CADPS2: variants seen among roughly 807,000 people sequenced by gnomAD.
The protein encoded by CADPS2 is calcium-dependent secretion activator 2.
A neutral mutation model predicts 172.5 loss-of-function variants in CADPS2; 93 were observed. The observed-to-expected ratio is 0.54, with a 90% CI of 0.46 to 0.64. The LOEUF is 0.64. Ranked by LOEUF, CADPS2 falls within the 30% of genes least tolerant of loss-of-function variation. The pLI, the probability that CADPS2 is intolerant of heterozygous loss-of-function variation, is 0.00. For synonymous variants in CADPS2, 546 were observed against 555.2 expected, an observed-to-expected ratio of 0.98 and a Z score of 0.23; for missense variants, 1,420 against 1,565.9, an observed-to-expected ratio of 0.91 and a Z score of 1.57.
chr7:122,507,930 C>T (rs932910747), intron 9 of CADPS2, among the ~76,000 whole-genome samples: 1 of 152,030 alleles, frequency 6.6e-6, no homozygotes, highest in African/African-American at 2.4e-5. Context: ...TAAGTATGTT[C>T]AAATATAAGT....
At chr7:122,360,675 T>G in intron 27 of CADPS2, 113 bp downstream of exon 27, 1 of 897,672 alleles carries the variant, frequency 1.1e-6, no homozygotes, top group Non-Finnish European at 1.7e-6. Context: ...GAAAATAAAC[T>G]ACTCCCTAAG....
At chr7:122,391,452 A>G (rs141951997) in intron 22 of CADPS2, among the ~76,000 whole-genome samples, 38 of 152,256 alleles carry the variant, frequency 2.5e-4, no homozygotes, top group Non-Finnish European at 5.0e-4. Flanking sequence ...GTTCTTGGCT[A>G]AAATCAAGCG....
At chr7:122,678,395 T>C (rs1346149944) in intron 2 of CADPS2, among the ~76,000 whole-genome samples, 1 of 152,160 alleles carries the variant, frequency 6.6e-6, no homozygotes, top group African/African-American at 2.4e-5. Context: ...GCTATAACAA[T>C]AGAGAAGGAA....
chr7:122,880,166 A>T (rs1822498631), intron 1 of CADPS2, among the ~76,000 whole-genome samples: 1 of 152,156 alleles, frequency 6.6e-6, no homozygotes, highest in Non-Finnish European at 1.5e-5. Context: ...ACTGAGTGTC[A>T]GCTCCAACTT....
In CADPS2 at chr7:122,603,302, G is replaced by A. The variant is rs1230839683; in HGVS notation, c.1223+11879C>T. ...CTCAGAAGGGACTTGGGAAACAAAAGCACATTCCGCTTCATAAAATAACGT... is the reference window on the plus strand; with the variant it reads ...CTCAGAAGGGACTTGGGAAACAAAAACACATTCCGCTTCATAAAATAACGT... On this transcript the variant is annotated intron_variant, in intron 6 of 29. Coordinates refer to ENST00000449022, the MANE Select transcript of CADPS2 (RefSeq NM_017954.11). 3.4e-5 allele frequency among the ~76,000 whole-genome samples: 5 copies of A among 147,644 alleles called. No homozygotes were observed. The East Asian group carries it at 9.7e-4, about 29-fold the overall frequency.
rs1282937725 is a variant in CADPS2, at chr7:122,803,565, C to CTTGTGGCTTGGCACA, written c.340-66498_340-66497insTGTGCCAAGCCACAA. ...GCCATAAATCACAGGAAACTTTCAC[C>CTTGTGGCTTGGCACA]ACTAGATGGTGAGCTTGTGGCTTGG... On this transcript the variant is annotated intron_variant, in intron 1 of 29. Coordinates refer to ENST00000449022, the MANE Select transcript of CADPS2 (RefSeq NM_017954.11). 2.6e-5 allele frequency among the ~76,000 whole-genome samples: 4 copies of CTTGTGGCTTGGCACA among 152,246 alleles called. No individual in the cohort carries two copies. The East Asian group carries it at 7.7e-4, about 29-fold the overall frequency.
In CADPS2 at chr7:122,575,087, AT is replaced by A. The variant is rs903973843; in HGVS notation, c.1335+6091del. Among the ~76,000 whole-genome samples the A allele has an allele frequency of 5.3e-4, 80 of 151,776 alleles. 2 individuals carry two copies. The highest frequency in any genetic ancestry group is 1.9e-3 in the African/African-American group (77 of 41,364). ...AACCAGTCATGAAAAAAATAGTCTT[AT>A]TTTTTTCTTATTCTGGATTTTTCTA... On this transcript the variant is annotated intron_variant, in intron 7 of 29. Transcript: ENST00000449022.
intron 1 of CADPS2, among the ~76,000 whole-genome samples, chr7:122,826,797 T>G (rs1805021356): frequency 6.6e-6 from 1 of 151,682 alleles, no homozygotes; most frequent in African/African-American, 2.4e-5. Context: ...GCTAAAACAT[T>G]ACTGAAAGGA....
intron 7 of CADPS2, among the ~76,000 whole-genome samples, chr7:122,578,642 T>C (rs943239901): frequency 1.3e-5 from 2 of 152,088 alleles, no homozygotes; most frequent in Non-Finnish European, 1.5e-5. Flanking sequence ...TGCTACACTA[T>C]AATGAGGAGT....
At chr7:122,492,073 G>T (rs1196155958) in intron 9 of CADPS2, among the ~76,000 whole-genome samples, 2 of 152,242 alleles carry the variant, frequency 1.3e-5, no homozygotes, top group African/African-American at 4.8e-5. Flanking sequence ...TCTGGAGGCT[G>T]AGGTAGAAGA....
At chr7:122,539,277 C>T (rs1382752181) in intron 8 of CADPS2, among the ~76,000 whole-genome samples, 1 of 152,092 alleles carries the variant, frequency 6.6e-6, no homozygotes, top group African/African-American at 2.4e-5. Context: ...ATTCAGCCCC[C>T]CTCTCTCTTT....
At chr7:122,404,970 CA>C (rs1207703658) in intron 20 of CADPS2, among the ~76,000 whole-genome samples, 1 of 151,660 alleles carries the variant, frequency 6.6e-6, no homozygotes, top group African/African-American at 2.4e-5. Flanking sequence ...ACTAAAAATA[CA>C]AAAAAATTAG....
At chr7:122,367,420 C>T (rs748901890) in intron 25 of CADPS2, among the ~76,000 whole-genome samples, 7 of 151,320 alleles carry the variant, frequency 4.6e-5, no homozygotes, top group African/African-American at 9.7e-5. Context: ...TTGGATATTA[C>T]AGAAATGATC....
intron 6 of CADPS2, 137 bp from the exon 7 acceptor site, chr7:122,581,427 G>A (rs1226181946): frequency 1.6e-6 from 1 of 634,962 alleles, no homozygotes; most frequent in Non-Finnish European, 2.8e-6. Flanking sequence ...TTTGTTTCTA[G>A]CAGATGGCAC....
At chr7:122,565,324 T>C (rs2066316389) in intron 7 of CADPS2, among the ~76,000 whole-genome samples, 1 of 151,180 alleles carries the variant, frequency 6.6e-6, no homozygotes, top group Admixed American at 6.6e-5. Flanking sequence ...GGACAGGGAG[T>C]ATGAGGTTGA....
intron 1 of CADPS2, among the ~76,000 whole-genome samples, chr7:122,810,660 C>T (rs1179992470): frequency 6.6e-6 from 1 of 152,066 alleles, no homozygotes; most frequent in African/African-American, 2.4e-5. Flanking sequence ...TTAGATAGGT[C>T]TGGGGCTCAG....
intron 8 of CADPS2, among the ~76,000 whole-genome samples, chr7:122,521,818 T>A (rs1202138019): frequency 0.013 from 1,908 of 152,250 alleles, 37 homozygotes; most frequent in African/African-American, 0.043. Context: ...GTATCACATT[T>A]TATAGAATTG....
chr7:122,603,416 A>G (rs576862644), intron 6 of CADPS2, among the ~76,000 whole-genome samples: 1 of 152,034 alleles, frequency 6.6e-6, no homozygotes, highest in South Asian at 2.1e-4. Context: ...ATAGGATGCT[A>G]AAAGAAGAGA....
intron 17 of CADPS2, among the ~76,000 whole-genome samples, chr7:122,419,586 C>T (rs911359987): frequency 3.3e-5 from 5 of 152,004 alleles, no homozygotes; most frequent in East Asian, 1.9e-4. Context: ...GGAGAAAGAC[C>T]GTATCTTTCA....
Sources: gnomAD v4.1 joint callset for allele counts (sites outside exome capture counted in the v4.1 genomes callset) on GRCh38, gnomAD v4.1.1 for gene constraint, MANE v1.5 for transcripts, NCBI Gene and HGNC (gene_info 2026-07-23, HGNC 2026-07-21) for gene names.